Variants in HPF1 observed in about 807,000 individuals in gnomAD.
HPF1 encodes UPF0609 protein C4orf27.
HPF1 carries 35 observed loss-of-function variants against 38.8 expected under a neutral mutation model. That is an observed-to-expected ratio of 0.90 (90% CI 0.69 to 1.19). The LOEUF is 1.19. Among genes scored for constraint, HPF1 ranks in the 50% most tolerant of loss-of-function variants. The pLI, the probability that HPF1 is intolerant of heterozygous loss-of-function variation, is 0.00. For missense variants in HPF1, 367 were observed against 405.8 expected (o/e 0.90, Z 0.82); for synonymous variants, 115 against 139.2 (o/e 0.83, Z 1.22).
chr4:169,739,672 T>C (rs1733941126), intron 5 of HPF1, among the ~76,000 whole-genome samples: 1 of 152,130 alleles, frequency 6.6e-6, no homozygotes, highest in Non-Finnish European at 1.5e-5. Flanking sequence ...CAGATAAGTA[T>C]GAGAATAAAG....
At chr4:169,733,820 A>C (rs2150288869) in intron 6 of HPF1, among the ~76,000 whole-genome samples, 1 of 151,382 alleles carries the variant, frequency 6.6e-6, no homozygotes, top group Admixed American at 6.6e-5. Context: ...CACCCAGTGC[A>C]GGAGGTGCAG....
chr4:169,743,026 G>A (rs1452783530), intron 4 of HPF1, among the ~76,000 whole-genome samples: 2 of 151,762 alleles, frequency 1.3e-5, no homozygotes, highest in Non-Finnish European at 2.9e-5. Flanking sequence ...ACTTGAACCC[G>A]GGAGGTAGAG....
intron 4 of HPF1, among the ~76,000 whole-genome samples, chr4:169,744,460 C>A (rs183642990): frequency 1.5e-3 from 223 of 152,280 alleles, no homozygotes; most frequent in Non-Finnish European, 1.9e-3. Flanking sequence ...GCAACTGAAG[C>A]CATAACCATG....
intron 6 of HPF1, among the ~76,000 whole-genome samples, chr4:169,733,159 T>C (rs543439343): frequency 7.2e-5 from 11 of 152,244 alleles, no homozygotes; most frequent in East Asian, 1.9e-4. Flanking sequence ...CTTCACCAAA[T>C]TGGGAGAAGA....
At chr4:169,747,232 A>G (rs1734061118) in intron 4 of HPF1, among the ~76,000 whole-genome samples, 1 of 151,702 alleles carries the variant, frequency 6.6e-6, no homozygotes, top group African/African-American at 2.4e-5. Context: ...AGTTTCTAAT[A>G]AAGATGGCAC....
chr4:169,733,154 C>T (rs750905939), intron 6 of HPF1, among the ~76,000 whole-genome samples: 3 of 152,126 alleles, frequency 2.0e-5, no homozygotes, highest in Non-Finnish European at 4.4e-5. Flanking sequence ...AAAACCTTCA[C>T]CAAATTGGGA....
chr4:169,744,960 T>TAAAAGCAAAA (rs112075019), intron 4 of HPF1, among the ~76,000 whole-genome samples: 41 of 151,502 alleles, frequency 2.7e-4, no homozygotes, highest in African/African-American at 8.5e-4. Flanking sequence ...GACTGTACAA[T>TAAAAGCAAAA]AAGAAAAAAA....
chr4:169,747,731 A>T (rs1461681281), intron 4 of HPF1, among the ~76,000 whole-genome samples: 6 of 152,158 alleles, frequency 3.9e-5, no homozygotes, highest in Non-Finnish European at 8.8e-5. Flanking sequence ...CATGGGACCT[A>T]TCTTCTTCCA....
At chr4:169,739,088 T>A (rs1038007297) in intron 5 of HPF1, among the ~76,000 whole-genome samples, 1 of 152,122 alleles carries the variant, frequency 6.6e-6, no homozygotes, top group Non-Finnish European at 1.5e-5. Flanking sequence ...TGTATACATA[T>A]GTAACAAACC....
intron 4 of HPF1, among the ~76,000 whole-genome samples, chr4:169,742,652 C>T (rs535044635): frequency 5.3e-5 from 8 of 152,068 alleles, no homozygotes; most frequent in South Asian, 4.2e-4. Context: ...ATTAGCCGGG[C>T]GTGATGGCGG....
intron 3 of HPF1, 124 bp downstream of exon 3, chr4:169,750,412 T>G: frequency 1.6e-6 from 1 of 629,424 alleles, no homozygotes; most frequent in Non-Finnish European, 2.7e-6. Flanking sequence ...GAACAACAGA[T>G]GGCTCATATA....
At chr4:169,741,276 G>A (rs920524244) in intron 5 of HPF1, among the ~76,000 whole-genome samples, 1 of 152,144 alleles carries the variant, frequency 6.6e-6, no homozygotes, top group African/African-American at 2.4e-5. Context: ...GAACCAGCAT[G>A]GGCAGACAAA....
intron 6 of HPF1, among the ~76,000 whole-genome samples, chr4:169,732,627 T>C (rs1733844185): frequency 2.0e-5 from 3 of 152,172 alleles, no homozygotes; most frequent in South Asian, 2.1e-4. Flanking sequence ...AAGAATGTGA[T>C]AGATTATGTA....
chr4:169,730,998 G>A (rs1160967439), intron 7 of HPF1, among the ~76,000 whole-genome samples: 1 of 152,184 alleles, frequency 6.6e-6, no homozygotes, highest in Non-Finnish European at 1.5e-5. Flanking sequence ...GTATGCACTC[G>A]TGCACATGTG....
chr4:169,741,562 G>A (rs1245389768), intron 5 of HPF1, among the ~76,000 whole-genome samples: 1 of 152,044 alleles, frequency 6.6e-6, no homozygotes, highest in Non-Finnish European at 1.5e-5. Flanking sequence ...GGATTAATAA[G>A]GAAAAAGAAA....
intron 5 of HPF1, among the ~76,000 whole-genome samples, chr4:169,740,483 C>T (rs545311377): frequency 1.2e-4 from 19 of 152,310 alleles, no homozygotes; most frequent in African/African-American, 4.6e-4. Flanking sequence ...TATGCTTACG[C>T]TCACACACAA....
intron 1 of HPF1, 142 bp from the exon 2 acceptor site, chr4:169,753,977 T>C (rs1734151622): frequency 1.5e-6 from 1 of 645,844 alleles, no homozygotes. Flanking sequence ...GAGTAAAATC[T>C]GGGAATTCAT....
chr4:169,737,289 C>CAAAAAAAA (rs35524684), intron 6 of HPF1, among the ~76,000 whole-genome samples: 2 of 108,504 alleles, frequency 1.8e-5, no homozygotes, highest in Non-Finnish European at 1.8e-5. Context: ...CACTCCGTCT[C>CAAAAAAAA]AAAAAAAAAA....
chr4:169,750,820 A>AATT lies in HPF1; in HGVS notation c.209-96_209-95insAAT, dbSNP rs1299380958. 8.4e-6 allele frequency: 8 copies of AATT among 954,228 alleles called. No homozygotes were observed. In the African/African-American group the frequency reaches 9.9e-5, roughly 12 times the overall value. The allele number at this position is 954,228 out of a possible 1,614,324, so 59.1% of individuals were successfully genotyped here. On this transcript the variant is annotated intron_variant, in intron 2 of 7. Transcript: ENST00000393381. ...CTATTTCTAAGCAATTGTCTTTAAA[A>AATT]AGTTTCTAAACTAAAAAAATCTTGA...
Sources: gnomAD v4.1 joint callset for allele counts (sites outside exome capture counted in the v4.1 genomes callset) on GRCh38, gnomAD v4.1.1 for gene constraint, MANE v1.5 for transcripts, NCBI Gene and HGNC (gene_info 2026-07-23, HGNC 2026-07-21) for gene names.